CRAMP1: variants seen among roughly 807,000 people sequenced by gnomAD.
CRAMP1 encodes protein cramped-like.
Under a neutral mutation model 115.4 loss-of-function variants are expected in CRAMP1, and 50 were observed. The observed-to-expected ratio is 0.43, with a 90% confidence interval of 0.35 to 0.55. The LOEUF is 0.55. Among genes scored for constraint, CRAMP1 ranks in the 20% least tolerant of loss-of-function variants. The pLI, the probability that CRAMP1 is intolerant of heterozygous loss-of-function variation, is 0.01. For synonymous variants in CRAMP1, 866 were observed against 745.4 expected (o/e 1.16, Z -2.64); for missense variants, 1,679 against 1,721.7 (o/e 0.98, Z 0.44).
chr16:1,662,700 T>C, intron 12 of CRAMP1, 29 bp downstream of exon 12: 1 of 1,613,514 alleles, frequency 6.2e-7, no homozygotes, highest in Non-Finnish European at 8.5e-7. Context: ...GCCGCCCGCG[T>C]GCGAGCGTCC....
At chr16:1,636,200 G>A (rs146221180) in intron 4 of CRAMP1, among the ~76,000 whole-genome samples, 5 of 152,052 alleles carry the variant, frequency 3.3e-5, no homozygotes, top group African/African-American at 1.2e-4. Flanking sequence ...GTGAAACCCC[G>A]TCTCTACTAA....
chr16:1,632,968 T>C (rs913597033), intron 4 of CRAMP1, among the ~76,000 whole-genome samples: 1 of 152,228 alleles, frequency 6.6e-6, no homozygotes, highest in Non-Finnish European at 1.5e-5. Context: ...TGCCTCCGCC[T>C]ATGAGAACTA....
At position 1,655,261 on chromosome 16, in the gene CRAMP1, A is replaced by T; in HGVS notation, c.1080A>T (p.Glu360Asp). 1 of 1,613,990 alleles carries T rather than the reference A, an allele frequency of 6.2e-7. No homozygotes were observed. Among genetic ancestry groups the T allele is most frequent in the Non-Finnish European group, 8.5e-7 (1 of 1,179,866 alleles). ...ELHRKVSSLIEFLKQKWALHE... is the reference protein window; with the variant it reads ...ELHRKVSSLIDFLKQKWALHE... Reference sequence around the variant, plus strand: ...ATCGAAAGGTCTCCAGCCTCATCGAATTCTTGAAGCAGAAGTGGGCGCTCC... The same window carrying T: ...ATCGAAAGGTCTCCAGCCTCATCGATTTCTTGAAGCAGAAGTGGGCGCTCC... Residue 360 changes from glutamate to aspartate, a missense_variant, in exon 9 of 21, where the codon GAA becomes GAT. Physicochemically the swap from Glu to Asp is conservative, Grantham distance 45. Around this residue, in one of 8 missense-constraint regions of CRAMP1, gnomAD observed 191 missense variants for 236.2 expected, o/e 0.81. Transcript: ENST00000397412.
chr16:1,659,771 C>G, intron 10 of CRAMP1, 115 bp from the exon 11 acceptor site: 1 of 1,032,254 alleles, frequency 9.7e-7, no homozygotes, highest in Non-Finnish European at 1.5e-6. Flanking sequence ...CCTTTGCCGT[C>G]ATGACACTGT....
At chr16:1,635,993 A>G (rs1266036631) in intron 4 of CRAMP1, among the ~76,000 whole-genome samples, 4 of 152,018 alleles carry the variant, frequency 2.6e-5, no homozygotes, top group African/African-American at 9.7e-5. Context: ...TGGCTGGATT[A>G]TTTTCCTTTG....
Position 1,656,194 on chromosome 16 carries a change from G to T in CRAMP1, c.1437G>T (p.Ala479=), listed in dbSNP as rs1039942944. 1 of 1,601,970 alleles carries T rather than the reference G, an allele frequency of 6.2e-7. No homozygotes were observed. Among genetic ancestry groups the T allele is most frequent in the South Asian group, 1.1e-5 (1 of 90,636 alleles). Reference sequence around the variant, plus strand: ...AGGGTGTGGGGCGGCCCCCTCCTGCGGCTGACGCCTTGCAGAGCTCCGGAG... The same window carrying T: ...AGGGTGTGGGGCGGCCCCCTCCTGCTGCTGACGCCTTGCAGAGCTCCGGAG... The part of the protein sequence containing the change: ...EGKGVGRPPP[A]ADALQSSGES... Residue 479 remains alanine (A), a synonymous_variant, in exon 10 of 21, where the codon GCG becomes GCT. Coordinates refer to ENST00000397412, the MANE Select transcript of CRAMP1 (RefSeq NM_020825.4). The surrounding 1 kb of genome is among the most constrained non-coding windows in gnomAD (Gnocchi z 5.6).
At chr16:1,652,744 A>C (rs900209806) in intron 7 of CRAMP1, among the ~76,000 whole-genome samples, 163 bp downstream of exon 7, 15 of 152,110 alleles carry the variant, frequency 9.9e-5, no homozygotes, top group Non-Finnish European at 1.0e-4. Flanking sequence ...AATGCTCCCT[A>C]CGACCACTCA....
intron 16 of CRAMP1, 56 bp from the exon 17 acceptor site, chr16:1,667,279 G>T (rs1036260418): frequency 7.1e-7 from 1 of 1,417,278 alleles, no homozygotes; most frequent in Non-Finnish European, 1.0e-6. Context: ...GCGGGTGAGG[G>T]TATGGGTGGC....
intron 6 of CRAMP1, among the ~76,000 whole-genome samples, 195 bp downstream of exon 6, chr16:1,641,382 C>T (rs909120653): frequency 2.6e-5 from 4 of 152,156 alleles, no homozygotes; most frequent in Non-Finnish European, 2.9e-5. Context: ...GTGCCTGCCC[C>T]GGGGAGGGAA....
At chr16:1,629,715 T>C (rs1025297786) in intron 3 of CRAMP1, among the ~76,000 whole-genome samples, 8 of 152,226 alleles carry the variant, frequency 5.3e-5, no homozygotes, top group African/African-American at 1.9e-4. Flanking sequence ...TGGGCCTGCC[T>C]GGACCTTGCA....
chr16:1,646,813 C>T (rs987630899), intron 6 of CRAMP1, among the ~76,000 whole-genome samples: 4 of 152,236 alleles, frequency 2.6e-5, no homozygotes, highest in African/African-American at 9.6e-5. Context: ...CCATGATCTG[C>T]TTTGAATTAA....
At chr16:1,638,293 T>C (rs1404700956) in intron 5 of CRAMP1, among the ~76,000 whole-genome samples, 2 of 152,224 alleles carry the variant, frequency 1.3e-5, no homozygotes, top group African/African-American at 4.8e-5. Flanking sequence ...CAAACAGGTG[T>C]AGTGATCTTA....
At position 1,666,285 on chromosome 16, in the gene CRAMP1, C is replaced by A; in HGVS notation, c.2857+108C>A. On this transcript the variant is annotated intron_variant, in intron 15 of 20. Transcript: ENST00000397412. This position sits in a 1 kb window ranked among gnomAD's most constrained non-coding sequence, Gnocchi z 5.0. ...TCTCCAAATCATAATGTCTCATTACCCTTCACCAAGAACATCTAAGCCCTT... is the reference window on the plus strand; with the variant it reads ...TCTCCAAATCATAATGTCTCATTACACTTCACCAAGAACATCTAAGCCCTT... 2 of 1,167,846 alleles carry A rather than the reference C, an allele frequency of 1.7e-6. No homozygotes were observed. Among genetic ancestry groups the A allele is most frequent in the Non-Finnish European group, 2.5e-6 (2 of 804,324 alleles). The allele number at this position is 1,167,846 out of a possible 1,614,324, so 72.3% of individuals were successfully genotyped here. A position where few individuals can be genotyped will look rare whatever the true frequency, so the allele number is the denominator to read the frequency against.
intron 9 of CRAMP1, 30 bp downstream of exon 9, chr16:1,655,330 C>A: frequency 6.3e-7 from 1 of 1,576,640 alleles, no homozygotes; most frequent in Non-Finnish European, 8.7e-7. Flanking sequence ...GCAAACCATC[C>A]AGGCTGCGCT....
At chr16:1,659,860 C>T (rs899573049) in intron 10 of CRAMP1, 26 bp from the exon 11 acceptor site, 1 of 1,610,084 alleles carries the variant, frequency 6.2e-7, no homozygotes, top group Middle Eastern at 1.7e-4. Flanking sequence ...TGAGTTTGGA[C>T]ATTGTTTGGC....
At chr16:1,638,873 G>A (rs370949342) in intron 5 of CRAMP1, among the ~76,000 whole-genome samples, 8 of 152,042 alleles carry the variant, frequency 5.3e-5, no homozygotes, top group African/African-American at 1.9e-4. Flanking sequence ...TGTGGCATTT[G>A]TGTGTGGGAG....
At position 1,665,108 on chromosome 16, in the gene CRAMP1, T is replaced by G; in HGVS notation, c.2722T>G (p.Phe908Val). The G allele has an allele frequency of 6.2e-7, 1 of 1,613,160 alleles. No individual in the cohort carries two copies. The highest frequency in any genetic ancestry group is 8.5e-7 in the Non-Finnish European group (1 of 1,179,122). Residue 908 changes from phenylalanine (F) to valine (V), a missense_variant, in exon 14 of 21, where the codon TTC becomes GTC. Physicochemically the swap from Phe to Val is conservative, Grantham distance 50 (BLOSUM62 -1). Transcript: ENST00000397412. ...SENQSHNVCS[F>V]SILSNSSVTG... is the part of the protein sequence containing the mutation. The stretch of plus-strand genomic sequence containing the variant: ...AAACCAGTCCCACAACGTTTGTTCC[T>G]TCTCCATCCTGTCTAACTCTTCCGT...
At chr16:1,645,771 T>G (rs2036669466) in intron 6 of CRAMP1, among the ~76,000 whole-genome samples, 1 of 152,148 alleles carries the variant, frequency 6.6e-6, no homozygotes. Context: ...GCTGCACCTT[T>G]CCCGGAGTGT....
rs1184339027 is a variant in CRAMP1 at position 1,666,843 on chromosome 16, G to A, written c.3036+243G>A. On this transcript the variant is annotated intron_variant, in intron 16 of 20. Transcript: ENST00000397412. This position sits in a 1 kb window ranked among gnomAD's most constrained non-coding sequence, Gnocchi z 5.0. ...GGAGAACTCAGAGCTAAGACGGTGT[G>A]GAAACATAGCTCCATCTGAGAGTGA... Among the ~76,000 whole-genome samples the A allele has an allele frequency of 6.6e-6, 1 of 152,224 alleles. No homozygotes were observed. Among genetic ancestry groups the A allele is most frequent in the Non-Finnish European group, 1.5e-5 (1 of 68,040 alleles).
Sources: gnomAD v4.1 joint callset for allele counts (sites outside exome capture counted in the v4.1 genomes callset) on GRCh38, gnomAD v4.1.1 for gene constraint, gnomAD v4.1.1 regional missense constraint, Gnocchi (gnomAD v3.1) non-coding constraint, MANE v1.5 for transcripts, NCBI Gene and HGNC (gene_info 2026-07-23, HGNC 2026-07-21) for gene names.